The following HMCN1 variants were observed in gnomAD, a reference collection of about 807,000 sequenced individuals.
The protein encoded by HMCN1 is hemicentin 1.
In HMCN1, 321 loss-of-function variants were observed where a neutral mutation model predicts 625.9. The ratio of observed to expected loss-of-function variants is 0.51; its 90% CI spans 0.47 to 0.56. The LOEUF is 0.56. HMCN1 is among the 20% of genes least tolerant of loss of function. The pLI is 0.00. For synonymous variants in HMCN1, 2,425 were observed against 2,417.6 expected, an observed-to-expected ratio of 1.00 and a Z score of -0.09; for missense variants, 6,588 against 6,887.3, an observed-to-expected ratio of 0.96 and a Z score of 1.54.
At chr1:186,003,995 C>A in intron 29 of HMCN1, 151 bp downstream of exon 29, 2 of 757,362 alleles carry the variant, frequency 2.6e-6, no homozygotes, top group Non-Finnish European at 2.1e-6. Flanking sequence ...AAAAGCTAGT[C>A]TGAAAGTCTT....
At chr1:186,027,046 A>G (rs561869581) in intron 36 of HMCN1, among the ~76,000 whole-genome samples, 1 of 152,322 alleles carries the variant, frequency 6.6e-6, no homozygotes, top group African/African-American at 2.4e-5. Context: ...CAGTGTTTCA[A>G]TTGTTTAATG....
At chr1:185,872,424 C>T (rs542460576) in intron 4 of HMCN1, among the ~76,000 whole-genome samples, 9 of 151,790 alleles carry the variant, frequency 5.9e-5, no homozygotes, top group African/African-American at 1.2e-4. Flanking sequence ...TTAGATAAAA[C>T]AAAAAATGAA....
intron 10 of HMCN1, among the ~76,000 whole-genome samples, chr1:185,929,181 G>C (rs1483834940): frequency 1.3e-5 from 2 of 152,044 alleles, no homozygotes; most frequent in Non-Finnish European, 2.9e-5. Flanking sequence ...AATGAGCAGA[G>C]CACTTTTATG....
intron 1 of HMCN1, among the ~76,000 whole-genome samples, chr1:185,840,185 T>C (rs1158130751): frequency 2.0e-5 from 3 of 152,178 alleles, no homozygotes; most frequent in Non-Finnish European, 4.4e-5. Flanking sequence ...TGGAGAAATA[T>C]GGAACGCATG....
At chr1:185,837,421 T>C (rs1310253678) in intron 1 of HMCN1, among the ~76,000 whole-genome samples, 1 of 152,102 alleles carries the variant, frequency 6.6e-6, no homozygotes, top group Non-Finnish European at 1.5e-5. Flanking sequence ...TTTCCTTTCA[T>C]GTAGTGTTTG....
intron 55 of HMCN1, among the ~76,000 whole-genome samples, chr1:186,078,722 G>T (rs1295159447): frequency 6.6e-6 from 1 of 152,102 alleles, no homozygotes; most frequent in Non-Finnish European, 1.5e-5. Flanking sequence ...GTTTTAATTG[G>T]CCAAGTGTGA....
At chr1:185,977,328 A>G (rs1469415556) in intron 15 of HMCN1, among the ~76,000 whole-genome samples, 4 of 152,168 alleles carry the variant, frequency 2.6e-5, no homozygotes, top group African/African-American at 9.6e-5. Context: ...AGCTTGTTAT[A>G]TAGTGATTAT....
rs1656530964 is a variant in HMCN1 at position 186,045,870 on chromosome 1, A to G, written c.6480+7A>G. ...AAATAGAAGTGTGTTAAAGGTAAGG[A>G]TATGGATTCATTTATTTTACCTTAT... On this transcript the variant is annotated splice_region_variant and intron_variant, in intron 41 of 106. Transcript: ENST00000271588. 3 of 1,586,970 alleles carry G rather than the reference A, an allele frequency of 1.9e-6. No individual in the cohort carries two copies. In the African/African-American group the frequency reaches 4.0e-5, roughly 21 times the overall value.
chr1:186,152,772 T>C lies in HMCN1; in HGVS notation c.14919T>C (p.His4973=). 2 of 1,614,004 alleles carry C rather than the reference T, an allele frequency of 1.2e-6. No individual in the cohort carries two copies. Among genetic ancestry groups the C allele is most frequent in the Non-Finnish European group, 8.5e-7 (1 of 1,179,860 alleles). The change falls in exon 96 of 107, where the codon CAT becomes CAC. Residue 4973 remains histidine, a synonymous_variant. Transcript: ENST00000271588. ...FATGEILQMS[H]IARGLDSDGS... Reference sequence around the variant, plus strand: ...CAGGAGAAATCTTGCAGATGAGTCATATTGCCCGGGGCTTGGATTCCGATG... The same window carrying C: ...CAGGAGAAATCTTGCAGATGAGTCACATTGCCCGGGGCTTGGATTCCGATG...
chr1:186,011,249 G>T (rs1331134791), intron 30 of HMCN1, among the ~76,000 whole-genome samples: 1 of 152,122 alleles, frequency 6.6e-6, no homozygotes, highest in Non-Finnish European at 1.5e-5. Flanking sequence ...ATTTCACTGT[G>T]TTAGCCAGGA....
At chr1:185,825,823 C>T (rs369807093) in intron 1 of HMCN1, among the ~76,000 whole-genome samples, 98 of 152,264 alleles carry the variant, frequency 6.4e-4, no homozygotes, top group Middle Eastern at 3.4e-3. Context: ...TAATAGCATG[C>T]AACCATTTCT....
intron 46 of HMCN1, among the ~76,000 whole-genome samples, 164 bp downstream of exon 46, chr1:186,057,565 A>T (rs914171084): frequency 6.6e-6 from 1 of 152,036 alleles, no homozygotes; most frequent in African/African-American, 2.4e-5. Flanking sequence ...AGGATGTAAG[A>T]AACTATATGA....
At chr1:185,783,920 G>A (rs1402968475) in intron 1 of HMCN1, among the ~76,000 whole-genome samples, 3 of 152,180 alleles carry the variant, frequency 2.0e-5, no homozygotes, top group Non-Finnish European at 4.4e-5. Flanking sequence ...GCTGTCTTTT[G>A]TTCAGCTATG....
chr1:185,852,818 A>G (rs1407085737), intron 2 of HMCN1, among the ~76,000 whole-genome samples: 1 of 152,072 alleles, frequency 6.6e-6, no homozygotes, highest in East Asian at 1.9e-4. Context: ...TTATGTTGTA[A>G]ATGAGCAACA....
Position 186,187,908 on chromosome 1 carries a change from T to G in HMCN1, c.16440T>G (p.Asn5480Lys), listed in dbSNP as rs188771010. 1 of 1,613,808 alleles carries G rather than the reference T, an allele frequency of 6.2e-7. No individual in the cohort carries two copies. Among genetic ancestry groups the G allele is most frequent in the Non-Finnish European group, 8.5e-7 (1 of 1,179,784 alleles). ...CQDIDECLEQ[N>K]VHCGPNRMCF... Reference sequence around the variant, plus strand: ...ATATCGATGAATGTCTGGAGCAGAATGTGCACTGTGGACCCAATCGCATGT... The same window carrying G: ...ATATCGATGAATGTCTGGAGCAGAAGGTGCACTGTGGACCCAATCGCATGT... The change falls in exon 106 of 107, where the codon AAT becomes AAG. Residue 5480 changes from asparagine (N) to lysine (K), a missense_variant. Coordinates refer to ENST00000271588, the MANE Select transcript of HMCN1 (RefSeq NM_031935.3).
chr1:186,151,391 T>C, intron 94 of HMCN1, 42 bp downstream of exon 94: 3 of 1,556,362 alleles, frequency 1.9e-6, no homozygotes, highest in Non-Finnish European at 1.8e-6. Flanking sequence ...ACTTATATAT[T>C]ATTCTTCATC....
Position 186,136,828 on chromosome 1 carries a change from C to A in HMCN1, c.13473C>A (p.Asn4491Lys). Reference sequence around the variant, plus strand: ...ATGACCGGGTTAACGTGTTGTCCAACAACTCATTATATATTGCTGATGCTC... The same window carrying A: ...ATGACCGGGTTAACGTGTTGTCCAAAAACTCATTATATATTGCTGATGCTC... ...SWDDRVNVLSNNSLYIADAQK... is the reference protein window; with the variant it reads ...SWDDRVNVLSKNSLYIADAQK... The change falls in exon 87 of 107, where the codon AAC becomes AAA. Residue 4491 changes from asparagine (N) to lysine (K), a missense_variant. Physicochemically the swap from Asn to Lys is moderately conservative, Grantham distance 94 (BLOSUM62 0). This residue lies in a region of HMCN1 where 1,954 missense variants were observed against 2,013.1 expected (regional missense o/e 0.97). Transcript: ENST00000271588. The A allele has an allele frequency of 6.2e-7, 1 of 1,614,068 alleles. No individual in the cohort carries two copies. Among genetic ancestry groups the A allele is most frequent in the Non-Finnish European group, 8.5e-7 (1 of 1,179,966 alleles).
chr1:186,050,957 A>G (rs995239124), intron 42 of HMCN1, among the ~76,000 whole-genome samples: 2 of 152,046 alleles, frequency 1.3e-5, no homozygotes, highest in African/African-American at 4.8e-5. Context: ...AGAAAAGCAT[A>G]TGAGACACGT....
At chr1:185,963,617 TATAAA>T (rs1401960448) in intron 12 of HMCN1, 146 bp from the exon 13 acceptor site, 1 of 620,142 alleles carries the variant, frequency 1.6e-6, no homozygotes, top group Non-Finnish European at 2.9e-6. Flanking sequence ...CATTTCTGCT[TATAAA>T]ATAATGATGG....
Sources: gnomAD v4.1 joint callset for allele counts (sites outside exome capture counted in the v4.1 genomes callset) on GRCh38, gnomAD v4.1.1 for gene constraint, gnomAD v4.1.1 regional missense constraint, MANE v1.5 for transcripts, NCBI Gene and HGNC (gene_info 2026-07-23, HGNC 2026-07-21) for gene names.